Variants in THBS2 observed in about 807,000 individuals in gnomAD.
The protein encoded by THBS2 is thrombospondin 2, also known as thrombospondin-2.
A neutral mutation model predicts 135.2 loss-of-function variants in THBS2; 47 were observed. The observed-to-expected ratio is 0.35, with a 90% CI of 0.28 to 0.44. The LOEUF is 0.44. THBS2 is among the 20% of genes least tolerant of loss of function. The pLI, the probability that THBS2 is intolerant of heterozygous loss-of-function variation, is 1.00. For synonymous variants in THBS2, 639 were observed against 633.8 expected (o/e 1.01, Z -0.12); for missense variants, 1,288 against 1,603.1 (o/e 0.80, Z 3.36).
chr6:169,243,035 ACCGCTCCCACCTTCCCACCTTCCCAC>A (rs1780408230), intron 4 of THBS2, among the ~76,000 whole-genome samples: 2 of 18,042 alleles, frequency 1.1e-4, no homozygotes, highest in African/African-American at 6.0e-4. Context: ...CCACCTTCCC[ACCGCTCCCACCTTCCCACCTTCCCAC>A]CACTCCCACC....
At chr6:169,231,926 A>G (rs932462690) in intron 13 of THBS2, 54 bp downstream of exon 13, 7 of 1,590,688 alleles carry the variant, frequency 4.4e-6, no homozygotes, top group African/African-American at 1.3e-5. Flanking sequence ...CCCCGGCGCC[A>G]GGAGGAGGGC....
chr6:169,226,053 A>G (rs1779613412), intron 16 of THBS2, 127 bp downstream of exon 16: 1 of 1,022,244 alleles, frequency 9.8e-7, no homozygotes, highest in Admixed American at 2.2e-5. Flanking sequence ...CCGCCTGCCC[A>G]TGGCTGCCCT....
intron 9 of THBS2, among the ~76,000 whole-genome samples, chr6:169,235,790 C>T (rs556056801): frequency 1.1e-4 from 15 of 133,544 alleles, no homozygotes; most frequent in African/African-American, 3.9e-4. Flanking sequence ...TTCACACTCC[C>T]TCCCCATCCA....
intron 13 of THBS2, 84 bp from the exon 14 acceptor site, chr6:169,229,763 G>A (rs1311515072): frequency 8.7e-7 from 1 of 1,151,340 alleles, no homozygotes; most frequent in Admixed American, 1.8e-5. Context: ...AAACCAGCAT[G>A]GCGCCGAGGA....
chr6:169,232,338 G>A (rs1779868696), intron 12 of THBS2, 140 bp from the exon 13 acceptor site: 2 of 957,798 alleles, frequency 2.1e-6, no homozygotes, highest in Non-Finnish European at 1.6e-6. Context: ...GGGCTTTCTG[G>A]ACACGCACTT....
chr6:169,236,486 T>TCATTGCCCCGTAAACACCATCCA (rs1780080949), intron 9 of THBS2, among the ~76,000 whole-genome samples: 1 of 58,556 alleles, frequency 1.7e-5, no homozygotes, highest in Non-Finnish European at 3.7e-5. Context: ...CCATCCACAC[T>TCATTGCCCCGTAAACACCATCCA]CACTCTCCAC....
chr6:169,225,198 T>C lies in THBS2; in HGVS notation c.2720A>G (p.Asp907Gly). The C allele has an allele frequency of 6.2e-7, 1 of 1,614,198 alleles. No individual in the cohort carries two copies. The highest frequency in any genetic ancestry group is 8.5e-7 in the Non-Finnish European group (1 of 1,180,032). The change falls in exon 17 of 22, where the codon GAT (aspartate) becomes GGT (glycine). Residue 907 changes from aspartate (D) to glycine (G), a missense_variant. By Grantham distance (94) the Asp-to-Gly change is moderately conservative (BLOSUM62 -1). Transcript: ENST00000617924. ...CACAAGCCGGCAGTTGTCCCTGTCA[T>C]CGGGGACGCCATCGTTGTCATCATC... The part of the protein sequence containing the change: ...DPDDDNDGVP[D>G]DRDNCRLVFN...
chr6:169,228,920 AAAAG>A (rs1214759314), intron 14 of THBS2, among the ~76,000 whole-genome samples: 3 of 148,134 alleles, frequency 2.0e-5, no homozygotes, highest in African/African-American at 5.0e-5. Context: ...AAAAAAAAAA[AAAAG>A]AGTTAGCCCT....
At position 169,221,501 on chromosome 6, in the gene THBS2, C is replaced by A. The variant is rs1260219682; in HGVS notation, c.3300G>T (p.Arg1100Ser). 2 of 1,613,988 alleles carry A rather than the reference C, an allele frequency of 1.2e-6. No individual in the cohort carries two copies. Residue 1100 changes from arginine (R) to serine (S), a missense_variant, in exon 20 of 22, where the codon AGG becomes AGT. Arg to Ser is a moderately radical substitution (Grantham distance 110). This residue lies in a region of THBS2 where 874 missense variants were observed against 1,156.1 expected (regional missense o/e 0.76). Transcript: ENST00000617924. The stretch of plus-strand genomic sequence containing the variant: ...CCGTGTAGTCCTTCCAGCCAATGTT[C>A]CTGGGGTCGTGCCATAAGGTTCGCA... ...GQVRTLWHDP[R>S]NIGWKDYTAY...
At chr6:169,229,998 T>C (rs560049101) in intron 13 of THBS2, among the ~76,000 whole-genome samples, 10 of 152,156 alleles carry the variant, frequency 6.6e-5, no homozygotes, top group Admixed American at 1.3e-4. Flanking sequence ...TGAGAGAACA[T>C]GGGAGAGAAA....
At chr6:169,217,912 G>GAAAT (rs1336754762) in intron 21 of THBS2, 83 bp from the exon 22 acceptor site, 10 of 1,292,828 alleles carry the variant, frequency 7.7e-6, no homozygotes, top group Non-Finnish European at 9.7e-6. Context: ...CCTAGAACCA[G>GAAAT]AAATATAATT....
In THBS2 at chr6:169,226,175, C is replaced by A; in HGVS notation, c.2538+5G>T. On this transcript the variant is annotated splice_donor_5th_base_variant and intron_variant, in intron 16 of 21. Coordinates refer to ENST00000617924, the MANE Select transcript of THBS2 (RefSeq NM_003247.5). ...CCAACCCCGCCTGTCTGCGGCTGCC[C>A]TCACCTGGTCAGGGTTGTGCACCAG... 6.2e-7 allele frequency: 1 copy of A among 1,610,256 alleles called. No individual in the cohort carries two copies. Among genetic ancestry groups the A allele is most frequent in the Non-Finnish European group, 8.5e-7 (1 of 1,177,914 alleles).
In THBS2 at chr6:169,225,361, G is replaced by C. The variant is rs1423603955; in HGVS notation, c.2557C>G (p.Leu853Val). The change falls in exon 17 of 22, where the codon CTT (leucine) becomes GTT (valine). Residue 853 changes from leucine to valine, a missense_variant. Leu to Val is a conservative substitution (Grantham distance 32). Around this residue, in one of 2 missense-constraint regions of THBS2, gnomAD observed 874 missense variants for 1,156.1 expected, o/e 0.76. Coordinates refer to ENST00000617924, the MANE Select transcript of THBS2 (RefSeq NM_003247.5). The stretch of plus-strand genomic sequence containing the variant: ...TTGTTGTCACACTGGTCCCCAACAA[G>C]GTCATTGTCCACGTCGGTCTAGGGG... ...NPDQTDVDND[L>V]VGDQCDNNED... 6.4e-7 allele frequency: 1 copy of C among 1,557,268 alleles called. No individual in the cohort carries two copies. Among genetic ancestry groups the C allele is most frequent in the South Asian group, 1.2e-5 (1 of 84,712 alleles).
intron 9 of THBS2, among the ~76,000 whole-genome samples, chr6:169,236,222 CACT>C: frequency 1.2e-5 from 1 of 82,966 alleles, no homozygotes; most frequent in Non-Finnish European, 2.4e-5. Context: ...CATCCACACT[CACT>C]CCCCATCCAC....
chr6:169,219,945 G>A lies in THBS2; in HGVS notation c.3511+253C>T, dbSNP rs1321808046. ...AGGAAACTCTAGGCTATGGCACAAT[G>A]AGGATGGGTGGGACCTGTAAATAAT... On this transcript the variant is annotated intron_variant, in intron 21 of 21. Transcript: ENST00000617924. 6 of 599,200 alleles carry A rather than the reference G, an allele frequency of 1.0e-5. No individual in the cohort carries two copies. In the East Asian group the frequency reaches 1.9e-4, roughly 19 times the overall value. The allele number at this position is 599,200 out of a possible 1,614,324, so 37.1% of individuals were successfully genotyped here. A position where few individuals can be genotyped will look rare whatever the true frequency, so the allele number is the denominator to read the frequency against.
rs1217813426 is a variant in THBS2 at position 169,217,641 on chromosome 6, A to ATATT, written c.*177_*180dup. On this transcript the variant is annotated 3_prime_UTR_variant, in exon 22 of 22. Coordinates refer to ENST00000617924, the MANE Select transcript of THBS2 (RefSeq NM_003247.5). ...AGATGTTCATCTCTGAGTTCCATTG[A>ATATT]TATTTATCCTCTGAAGGCACTTGGG... is the stretch of plus-strand genomic sequence containing the variant. 2 of 570,662 alleles carry ATATT rather than the reference A, an allele frequency of 3.5e-6. No individual in the cohort carries two copies. The highest frequency in any genetic ancestry group is 1.9e-5 in the African/African-American group (1 of 52,410). The allele number at this position is 570,662 out of a possible 1,614,324, so 35.3% of individuals were successfully genotyped here. A position where few individuals can be genotyped will look rare whatever the true frequency, so the allele number is the denominator to read the frequency against.
chr6:169,220,078 T>C, intron 21 of THBS2, 120 bp downstream of exon 21: 1 of 1,273,852 alleles, frequency 7.9e-7, no homozygotes, highest in Non-Finnish European at 1.1e-6. Flanking sequence ...TGTGTGGTAT[T>C]GTGCATTAGG....
intron 21 of THBS2, 58 bp downstream of exon 21, chr6:169,220,140 C>T (rs1779370459): frequency 1.3e-6 from 2 of 1,586,792 alleles, no homozygotes; most frequent in East Asian, 2.2e-5. Context: ...ACTGTGTACC[C>T]CTTTCCCTTT....
intron 4 of THBS2, among the ~76,000 whole-genome samples, chr6:169,245,555 G>A (rs1178116006): frequency 6.6e-6 from 1 of 152,150 alleles, no homozygotes; most frequent in Non-Finnish European, 1.5e-5. Flanking sequence ...CACTTTGGGA[G>A]GCCAAGGTGG....
Sources: gnomAD v4.1 joint callset for allele counts (sites outside exome capture counted in the v4.1 genomes callset) on GRCh38, gnomAD v4.1.1 for gene constraint, gnomAD v4.1.1 regional missense constraint, MANE v1.5 for transcripts, NCBI Gene and HGNC (gene_info 2026-07-23, HGNC 2026-07-21) for gene names.